CCDC85C: variants seen among roughly 807,000 people sequenced by gnomAD.
CCDC85C encodes the protein coiled-coil domain containing 85C.
Under a neutral mutation model 38.3 loss-of-function variants are expected in CCDC85C, and 18 were observed. That is an observed-to-expected ratio of 0.47 (90% CI 0.33 to 0.70). The LOEUF is 0.70. Ranked by LOEUF, CCDC85C falls within the 30% of genes least tolerant of loss-of-function variation. The pLI is 0.03. For synonymous variants in CCDC85C, 264 were observed against 293.8 expected, an observed-to-expected ratio of 0.90 and a Z score of 1.04; for missense variants, 566 against 621.2, an observed-to-expected ratio of 0.91 and a Z score of 0.94.
chr14:99,508,802 T>C lies in CCDC85C; in HGVS notation c.*6444A>G, dbSNP rs1897040574. ...AAGATTCAGGCTACAGGGTCGAGTGTTGGAAAAGTTGATTTCTGCAAGGTG... is the reference window on the plus strand; with the variant it reads ...AAGATTCAGGCTACAGGGTCGAGTGCTGGAAAAGTTGATTTCTGCAAGGTG... On this transcript the variant is annotated 3_prime_UTR_variant, in exon 6 of 6. Coordinates refer to ENST00000380243, the MANE Select transcript of CCDC85C (RefSeq NM_001144995.2). 6.6e-6 allele frequency: 1 copy of C among 152,452 alleles called. No individual in the cohort carries two copies. The highest frequency in any genetic ancestry group is 2.4e-5 in the African/African-American group (1 of 41,454). The allele number at this position is 152,452 out of a possible 1,614,324, so 9.4% of individuals were successfully genotyped here.
chr14:99,540,417 C>A (rs764206310), intron 1 of CCDC85C, among the ~76,000 whole-genome samples: 20 of 152,276 alleles, frequency 1.3e-4, no homozygotes, highest in South Asian at 2.1e-4. Context: ...GAAGGGCCGG[C>A]TCCCCGGGAG....
At chr14:99,579,710 G>A (rs1377674032) in intron 1 of CCDC85C, among the ~76,000 whole-genome samples, 2 of 152,136 alleles carry the variant, frequency 1.3e-5, no homozygotes, top group East Asian at 1.9e-4. Context: ...CGGGAGGCAG[G>A]GGCAGGCCTG....
rs889114212 is a variant in CCDC85C, at chr14:99,516,735, C to G, written c.1071+353G>C. Among the ~76,000 whole-genome samples, 3 of 152,112 alleles carry G rather than the reference C, an allele frequency of 2.0e-5. No homozygotes were observed. Among genetic ancestry groups the G allele is most frequent in the African/African-American group, 7.2e-5 (3 of 41,400 alleles). ...ACAGCCTGGAGGAACCGGAGCCCATCGGACTCACCAGTCTGCACCTGCAGA... is the reference window on the plus strand; with the variant it reads ...ACAGCCTGGAGGAACCGGAGCCCATGGGACTCACCAGTCTGCACCTGCAGA... On this transcript the variant is annotated intron_variant, in intron 4 of 5. Transcript: ENST00000380243. The surrounding 1 kb of genome is among the most constrained non-coding windows in gnomAD (Gnocchi z 5.5).
At chr14:99,524,870 C>T (rs1897353778) in intron 2 of CCDC85C, among the ~76,000 whole-genome samples, 1 of 152,204 alleles carries the variant, frequency 6.6e-6, no homozygotes, top group Non-Finnish European at 1.5e-5. Context: ...ACCCACCTGC[C>T]CAGTCTTCCT....
At chr14:99,537,161 C>A (rs552385547) in intron 1 of CCDC85C, among the ~76,000 whole-genome samples, 4 of 152,316 alleles carry the variant, frequency 2.6e-5, no homozygotes, top group Admixed American at 2.6e-4. Context: ...CCAGCCCAGA[C>A]CCCATCCACC....
intron 1 of CCDC85C, among the ~76,000 whole-genome samples, chr14:99,598,579 C>T (rs1029322354): frequency 6.6e-6 from 1 of 152,206 alleles, no homozygotes; most frequent in African/African-American, 2.4e-5. Context: ...GGAATGAGGC[C>T]CCGGGCCTGG....
In CCDC85C at chr14:99,572,600, T is replaced by C. The variant is rs541259412; in HGVS notation, c.793+30567A>G. ...AGCTCCGGGAAAGCTCTGACATCTG[T>C]CCTTTGCTGGAAACCTTCCAGGGAC... On this transcript the variant is annotated intron_variant, in intron 1 of 5. Transcript: ENST00000380243. This position sits in a 1 kb window ranked among gnomAD's most constrained non-coding sequence, Gnocchi z 4.4. 3.2e-3 allele frequency: 1,432 copies of C among 448,024 alleles called. 5 individuals are homozygous for C. The highest frequency in any genetic ancestry group is 5.0e-3 in the Non-Finnish European group (1,119 of 222,456). 27.8% of individuals were successfully genotyped at this position (448,024 alleles called of 1,614,324 possible).
intron 1 of CCDC85C, among the ~76,000 whole-genome samples, chr14:99,537,764 C>T (rs1046804564): frequency 6.6e-6 from 1 of 152,190 alleles, no homozygotes; most frequent in Non-Finnish European, 1.5e-5. Flanking sequence ...CCTCCCTGGC[C>T]TCAGTTTACT....
At chr14:99,591,820 C>T (rs1222738563) in intron 1 of CCDC85C, among the ~76,000 whole-genome samples, 7 of 151,880 alleles carry the variant, frequency 4.6e-5, no homozygotes, top group Non-Finnish European at 1.0e-4. Flanking sequence ...CGGCAACCTC[C>T]ACCTCCCAAG....
chr14:99,521,895 T>C (rs1329480839), intron 3 of CCDC85C, among the ~76,000 whole-genome samples: 1 of 152,168 alleles, frequency 6.6e-6, no homozygotes, highest in Admixed American at 6.5e-5. Context: ...GGACAGGGGC[T>C]AGGCACGGGC....
intron 1 of CCDC85C, among the ~76,000 whole-genome samples, chr14:99,566,477 T>TCC: frequency 6.6e-6 from 1 of 151,906 alleles, no homozygotes; most frequent in East Asian, 1.9e-4. Context: ...CTCCCACCTC[T>TCC]CCTCCCCTCC....
chr14:99,510,986 A>G lies in CCDC85C; in HGVS notation c.*4260T>C. ...AACCAGCTTTCAGAGTAGCCTCATCAGTGCCCTTGCAGTCTGACTGTGTAC... is the reference window on the plus strand; with the variant it reads ...AACCAGCTTTCAGAGTAGCCTCATCGGTGCCCTTGCAGTCTGACTGTGTAC... On this transcript the variant is annotated 3_prime_UTR_variant, in exon 6 of 6. Coordinates refer to ENST00000380243, the MANE Select transcript of CCDC85C (RefSeq NM_001144995.2). 1 of 406,342 alleles carries G rather than the reference A, an allele frequency of 2.5e-6. No individual in the cohort carries two copies. The highest frequency in any genetic ancestry group is 4.3e-6 in the Non-Finnish European group (1 of 233,704). 25.2% of individuals were successfully genotyped at this position (406,342 alleles called of 1,614,324 possible).
Position 99,502,818 on chromosome 14 carries a change from C to T in CCDC85C, c.*12428G>A. 1 of 1,613,806 alleles carries T rather than the reference C, an allele frequency of 6.2e-7. No individual in the cohort carries two copies. Among genetic ancestry groups the T allele is most frequent in the Non-Finnish European group, 8.5e-7 (1 of 1,179,846 alleles). On this transcript the variant is annotated 3_prime_UTR_variant, in exon 6 of 6. Transcript: ENST00000380243. ...CAACAGCCCCCATCTCTTCAGCCTA[C>T]ACCACAAGTGCCGCAAGTACAGCAG...
intron 1 of CCDC85C, chr14:99,580,123 T>A (rs1364094231): frequency 3.3e-5 from 15 of 455,566 alleles, no homozygotes; most frequent in Non-Finnish European, 1.3e-5. Context: ...TGGCTGGAGC[T>A]GCTGGGACAG....
intron 1 of CCDC85C, among the ~76,000 whole-genome samples, chr14:99,564,534 C>T (rs977282758): frequency 6.6e-6 from 1 of 152,234 alleles, no homozygotes; most frequent in Non-Finnish European, 1.5e-5. Context: ...GGCGCCAGCA[C>T]CTCTAGTTCT....
intron 1 of CCDC85C, among the ~76,000 whole-genome samples, chr14:99,561,065 C>G (rs1045509789): frequency 5.9e-5 from 9 of 152,180 alleles, no homozygotes; most frequent in Admixed American, 5.9e-4. Context: ...GGCTCTGCTG[C>G]TCCCTTCGGC....
intron 1 of CCDC85C, among the ~76,000 whole-genome samples, chr14:99,577,658 C>A (rs776951564): frequency 2.0e-5 from 3 of 151,872 alleles, no homozygotes; most frequent in Non-Finnish European, 2.9e-5. Flanking sequence ...GCCCATACAG[C>A]CCGTCCTGCA....
At chr14:99,518,999 A>G (rs1595337526) in intron 3 of CCDC85C, among the ~76,000 whole-genome samples, 1 of 143,738 alleles carries the variant, frequency 7.0e-6, no homozygotes, top group Non-Finnish European at 1.5e-5. Flanking sequence ...GGCCACACAC[A>G]CCTCCCACTG....
rs1898370216 is a variant in CCDC85C, at chr14:99,572,423, C to A, written c.793+30744G>T. ...GCAATCCCGGCTCCCACCCCCACCC[C>A]AAGGCCCTGCTCCACAGGGAAGCCA... On this transcript the variant is annotated intron_variant, in intron 1 of 5. Transcript: ENST00000380243. This position sits in a 1 kb window ranked among gnomAD's most constrained non-coding sequence, Gnocchi z 4.4. Among the ~76,000 whole-genome samples, 1 of 152,174 alleles carries A rather than the reference C, an allele frequency of 6.6e-6. No homozygotes were observed. Among genetic ancestry groups the A allele is most frequent in the South Asian group, 2.1e-4 (1 of 4,838 alleles).
Sources: gnomAD v4.1 joint callset for allele counts (sites outside exome capture counted in the v4.1 genomes callset) on GRCh38, gnomAD v4.1.1 for gene constraint, Gnocchi (gnomAD v3.1) non-coding constraint, MANE v1.5 for transcripts, NCBI Gene and HGNC (gene_info 2026-07-23, HGNC 2026-07-21) for gene names.